The following BTBD9 variants were observed in gnomAD, a reference collection of about 807,000 sequenced individuals.
The protein encoded by BTBD9 is BTB domain containing 9, also known as BTB/POZ domain-containing protein 9.
Under a neutral mutation model 64.3 loss-of-function variants are expected in BTBD9, and 49 were observed. The observed-to-expected ratio is 0.76, with a 90% confidence interval of 0.61 to 0.97. BTBD9 has a LOEUF of 0.97. BTBD9 is among the 50% of genes least tolerant of loss of function. The pLI, the probability that BTBD9 is intolerant of heterozygous loss-of-function variation, is 0.00. For synonymous variants in BTBD9, 260 were observed against 274.7 expected (o/e 0.95, Z 0.53); for missense variants, 598 against 762.1 (o/e 0.78, Z 2.53).
chr6:38,185,680 C>A (rs971102336), intron 10 of BTBD9, among the ~76,000 whole-genome samples: 1 of 152,216 alleles, frequency 6.6e-6, no homozygotes, highest in Non-Finnish European at 1.5e-5. Flanking sequence ...CTCCCCCTCA[C>A]TGAGGAAACC....
chr6:38,491,390 C>T (rs1771696187), intron 6 of BTBD9, among the ~76,000 whole-genome samples: 1 of 152,234 alleles, frequency 6.6e-6, no homozygotes, highest in African/African-American at 2.4e-5. Context: ...CATGAGAAAT[C>T]ACATTAATGA....
At chr6:38,434,817 T>A (rs766890734) in intron 6 of BTBD9, among the ~76,000 whole-genome samples, 1 of 151,984 alleles carries the variant, frequency 6.6e-6, no homozygotes, top group Non-Finnish European at 1.5e-5. Flanking sequence ...ATATGTATAC[T>A]ACAGTCCCGC....
intron 6 of BTBD9, among the ~76,000 whole-genome samples, chr6:38,451,102 C>T (rs1275974624): frequency 6.6e-6 from 1 of 152,130 alleles, no homozygotes; most frequent in East Asian, 1.9e-4. Context: ...ATATGATCCC[C>T]GATTACTCTA....
intron 6 of BTBD9, among the ~76,000 whole-genome samples, chr6:38,442,270 G>A (rs190461109): frequency 0.014 from 2,103 of 152,058 alleles, 28 homozygotes; most frequent in Non-Finnish European, 0.023. Context: ...GGCAGGTCAC[G>A]AGGTCAGGAG....
chr6:38,177,583 CTCACTGGAGGAGGGATCAGGGCGGG>C (rs1761332154), intron 10 of BTBD9, among the ~76,000 whole-genome samples: 1 of 152,260 alleles, frequency 6.6e-6, no homozygotes, highest in South Asian at 2.1e-4. Context: ...CAGCCGGCCT[CTCACTGGAGGAGGGATCAGGGCGGG>C]TCTCTGCTCC....
chr6:38,259,368 G>A (rs144448882), intron 8 of BTBD9, among the ~76,000 whole-genome samples: 415 of 152,280 alleles, frequency 2.7e-3, no homozygotes, highest in Admixed American at 5.5e-3. Flanking sequence ...AGGATTGCCT[G>A]TGTTTTCCGT....
intron 7 of BTBD9, among the ~76,000 whole-genome samples, chr6:38,293,991 C>T (rs2127558887): frequency 6.6e-6 from 1 of 152,068 alleles, no homozygotes; most frequent in African/African-American, 2.4e-5. Flanking sequence ...AACAAACAAC[C>T]CCATCAAAAA....
chr6:38,191,773 G>A (rs1247342881), intron 10 of BTBD9, among the ~76,000 whole-genome samples: 9 of 152,200 alleles, frequency 5.9e-5, no homozygotes, highest in African/African-American at 1.7e-4. Context: ...GGCAGGAGGC[G>A]GGATTGCGTG....
rs150115284 is a variant in BTBD9, at chr6:38,560,134, C to T, written c.1154+17466G>A. Among the ~76,000 whole-genome samples the T allele has an allele frequency of 2.0e-4, 30 of 152,122 alleles. 1 individual carries two copies. The East Asian group carries it at 5.0e-3, about 25-fold the overall frequency. On this transcript the variant is annotated intron_variant, in intron 6 of 10. Transcript: ENST00000481247. ...AGAAACTATCAACAGAATAAACAAC[C>T]CACAGAATGGGAAAAAATATCTGCA...
intron 6 of BTBD9, among the ~76,000 whole-genome samples, chr6:38,544,927 C>CAAAAAAAAAAAA (rs58694810): frequency 2.3e-4 from 11 of 48,300 alleles, no homozygotes; most frequent in Non-Finnish European, 3.7e-4. Context: ...AACTACATCT[C>CAAAAAAAAAAAA]AAAAAAAAAA....
chr6:38,312,630 A>G (rs866928886), intron 7 of BTBD9, among the ~76,000 whole-genome samples: 6 of 152,214 alleles, frequency 3.9e-5, no homozygotes, highest in Admixed American at 6.5e-5. Flanking sequence ...ACATATGGAT[A>G]TCCAGTTTTC....
intron 6 of BTBD9, among the ~76,000 whole-genome samples, chr6:38,421,991 C>T (rs1452011151): frequency 6.6e-6 from 1 of 152,182 alleles, no homozygotes; most frequent in Non-Finnish European, 1.5e-5. Flanking sequence ...TTTAGGATAA[C>T]TAATTAAAAA....
At chr6:38,204,762 T>C (rs1024361966) in intron 9 of BTBD9, among the ~76,000 whole-genome samples, 2 of 151,962 alleles carry the variant, frequency 1.3e-5, no homozygotes, top group African/African-American at 2.4e-5. Flanking sequence ...ACATGAAAGA[T>C]GACCAACAGC....
chr6:38,465,875 G>C, intron 6 of BTBD9, among the ~76,000 whole-genome samples: 1 of 123,862 alleles, frequency 8.1e-6, no homozygotes, highest in African/African-American at 3.2e-5. Flanking sequence ...CTGTTGTCCA[G>C]GCCAGAGTGC....
intron 6 of BTBD9, among the ~76,000 whole-genome samples, chr6:38,417,129 T>G (rs1042795924): frequency 6.6e-6 from 1 of 152,184 alleles, no homozygotes; most frequent in Non-Finnish European, 1.5e-5. Context: ...AAATTTTTTT[T>G]GTGTGGAGAC....
intron 6 of BTBD9, among the ~76,000 whole-genome samples, chr6:38,500,637 G>C (rs1443048946): frequency 3.9e-5 from 6 of 152,186 alleles, no homozygotes; most frequent in Non-Finnish European, 7.3e-5. Context: ...GAGAGTGCCT[G>C]ATCTGCAAAT....
intron 8 of BTBD9, among the ~76,000 whole-genome samples, chr6:38,279,635 G>T (rs970473739): frequency 7.2e-5 from 11 of 152,140 alleles, no homozygotes; most frequent in South Asian, 2.1e-4. Flanking sequence ...CTATCCTGGG[G>T]CAGCAGCATA....
intron 6 of BTBD9, among the ~76,000 whole-genome samples, chr6:38,431,436 G>A (rs1465763494): frequency 2.0e-5 from 3 of 152,282 alleles, no homozygotes; most frequent in South Asian, 2.1e-4. Flanking sequence ...CAGTTTCACA[G>A]ATGAGGAAAT....
At chr6:38,284,254 C>T (rs1761632850) in intron 8 of BTBD9, among the ~76,000 whole-genome samples, 1 of 152,008 alleles carries the variant, frequency 6.6e-6, no homozygotes, top group Admixed American at 6.6e-5. Flanking sequence ...CACAATTCTG[C>T]CTTTGGTGTG....
Sources: allele counts gnomAD v4.1 joint callset (sites outside exome capture counted in the v4.1 genomes callset), GRCh38; gene constraint gnomAD v4.1.1; transcripts MANE v1.5; gene names NCBI Gene and HGNC (gene_info 2026-07-23, HGNC 2026-07-21).